The following OXR1 variants were observed in gnomAD, a reference collection of about 807,000 sequenced individuals.
OXR1 encodes oxidation resistance 1, also known as oxidation resistance protein 1.
Under a neutral mutation model 104.6 loss-of-function variants are expected in OXR1, and 41 were observed. The ratio of observed to expected loss-of-function variants is 0.39; its 90% CI spans 0.31 to 0.51. The LOEUF (loss-of-function observed/expected upper bound fraction) is 0.51, where lower values mean the gene tolerates loss of function less well. Among genes scored for constraint, OXR1 ranks in the 20% least tolerant of loss-of-function variants. The pLI, the probability that OXR1 is intolerant of heterozygous loss-of-function variation, is 0.77. For missense variants in OXR1, 955 were observed against 1,031.9 expected (o/e 0.93, Z 1.02); for synonymous variants, 348 against 348.4 (o/e 1.00, Z 0.01).
intron 1 of OXR1, among the ~76,000 whole-genome samples, chr8:106,330,599 G>A (rs777218493): frequency 1.3e-5 from 2 of 152,150 alleles, no homozygotes; most frequent in Admixed American, 6.6e-5. Context: ...AGCTGTTTTG[G>A]GGAGTTTTGG....
At chr8:106,409,280 ATGGAGAG>A (rs1818367701) in intron 2 of OXR1, among the ~76,000 whole-genome samples, 1 of 152,026 alleles carries the variant, frequency 6.6e-6, no homozygotes. Context: ...CAAAGGGAGG[ATGGAGAG>A]GAGGCGAACT....
chr8:106,412,565 A>T (rs1818500005), intron 2 of OXR1, among the ~76,000 whole-genome samples: 1 of 151,536 alleles, frequency 6.6e-6, no homozygotes, highest in Middle Eastern at 3.4e-3. Flanking sequence ...TGGCACAGAA[A>T]GTTCCGGAAC....
intron 2 of OXR1, among the ~76,000 whole-genome samples, chr8:106,423,267 A>G (rs1458881393): frequency 6.6e-6 from 1 of 152,198 alleles, no homozygotes; most frequent in East Asian, 1.9e-4. Context: ...AAAACTATAT[A>G]GATTATCTCC....
At chr8:106,387,421 G>T (rs147559841) in intron 2 of OXR1, among the ~76,000 whole-genome samples, 40 of 152,248 alleles carry the variant, frequency 2.6e-4, no homozygotes, top group Non-Finnish European at 5.4e-4. Flanking sequence ...TGTTTTCCAG[G>T]TTGCACTAGG....
At chr8:106,684,209 A>G in intron 5 of OXR1, 37 bp from the exon 6 acceptor site, 1 of 1,042,358 alleles carries the variant, frequency 9.6e-7, no homozygotes, top group Non-Finnish European at 1.5e-6. Flanking sequence ...TTAACACTTC[A>G]TTTTAACTAA....
At chr8:106,597,670 G>C (rs1291739492) in intron 3 of OXR1, among the ~76,000 whole-genome samples, 1 of 152,134 alleles carries the variant, frequency 6.6e-6, no homozygotes, top group Non-Finnish European at 1.5e-5. Flanking sequence ...ATTGAGACAG[G>C]TGGAATTATT....
intron 1 of OXR1, among the ~76,000 whole-genome samples, chr8:106,284,335 C>T (rs964787982): frequency 2.0e-5 from 3 of 151,906 alleles, no homozygotes; most frequent in Non-Finnish European, 2.9e-5. Context: ...CATATGAGGA[C>T]ACCAAAGATG....
chr8:106,516,897 A>G (rs559775150), intron 2 of OXR1, among the ~76,000 whole-genome samples: 1 of 152,222 alleles, frequency 6.6e-6, no homozygotes, highest in Admixed American at 6.5e-5. Flanking sequence ...AAACTTTATC[A>G]TATTTATGCA....
intron 2 of OXR1, among the ~76,000 whole-genome samples, chr8:106,511,992 C>G (rs1003949430): frequency 5.3e-5 from 8 of 152,124 alleles, no homozygotes; most frequent in Admixed American, 3.3e-4. Context: ...GGCCTTTTAC[C>G]TGATACATTA....
intron 3 of OXR1, among the ~76,000 whole-genome samples, chr8:106,678,532 G>A (rs1264523970): frequency 6.6e-6 from 1 of 151,896 alleles, no homozygotes; most frequent in Admixed American, 6.6e-5. Context: ...ATTACATGAA[G>A]TATAGATGAA....
At chr8:106,732,300 C>T (rs1833962322) in intron 11 of OXR1, among the ~76,000 whole-genome samples, 1 of 152,090 alleles carries the variant, frequency 6.6e-6, no homozygotes, top group Non-Finnish European at 1.5e-5. Context: ...TACCAACAAT[C>T]ATGTCATCTG....
intron 1 of OXR1, among the ~76,000 whole-genome samples, chr8:106,316,721 T>TATCTATCTATCTATCTATC (rs1563713948): frequency 4.1e-3 from 143 of 35,074 alleles, no homozygotes; most frequent in Non-Finnish European, 4.7e-3. Context: ...ATCTATCATC[T>TATCTATCTATCTATCTATC]ATCTATCTAT....
chr8:106,726,123 C>G (rs1024086730), intron 11 of OXR1: 5 of 1,405,168 alleles, frequency 3.6e-6, no homozygotes, highest in Non-Finnish European at 4.6e-6. Context: ...TTGTCTCTAG[C>G]AAACTGTTTT....
At chr8:106,595,919 A>G (rs1819495578) in intron 3 of OXR1, among the ~76,000 whole-genome samples, 1 of 152,206 alleles carries the variant, frequency 6.6e-6, no homozygotes, top group African/African-American at 2.4e-5. Flanking sequence ...TGAACCCTTG[A>G]AAAAGAAAGT....
At chr8:106,421,238 C>T (rs561987105) in intron 2 of OXR1, among the ~76,000 whole-genome samples, 2 of 152,130 alleles carry the variant, frequency 1.3e-5, no homozygotes, top group Non-Finnish European at 2.9e-5. Flanking sequence ...AAGAATGCTG[C>T]TCTTCTCTAG....
chr8:106,515,267 T>G (rs547415390), intron 2 of OXR1, among the ~76,000 whole-genome samples: 2 of 152,252 alleles, frequency 1.3e-5, no homozygotes, highest in South Asian at 4.1e-4. Context: ...GTGCAATGGC[T>G]TAATCTAATT....
intron 3 of OXR1, among the ~76,000 whole-genome samples, chr8:106,615,734 T>G (rs144269006): frequency 6.6e-6 from 1 of 152,336 alleles, no homozygotes; most frequent in African/African-American, 2.4e-5. Flanking sequence ...CTTCAAAACA[T>G]TTCTGTTCTC....
At chr8:106,718,356 A>G (rs930681283) in intron 11 of OXR1, among the ~76,000 whole-genome samples, 2 of 152,224 alleles carry the variant, frequency 1.3e-5, no homozygotes, top group African/African-American at 4.8e-5. Context: ...AGACAGAAAC[A>G]TATATTTACT....
At chr8:106,536,226 A>AAAAGAAAG (rs144607017) in intron 3 of OXR1, among the ~76,000 whole-genome samples, 30 of 145,152 alleles carry the variant, frequency 2.1e-4, no homozygotes, top group East Asian at 6.1e-4. Flanking sequence ...TCTCAAAAAA[A>AAAAGAAAG]AAAGAAAGAA....
Sources: gnomAD v4.1 joint callset for allele counts (sites outside exome capture counted in the v4.1 genomes callset) on GRCh38, gnomAD v4.1.1 for gene constraint, MANE v1.5 for transcripts, NCBI Gene and HGNC (gene_info 2026-07-23, HGNC 2026-07-21) for gene names.